Variants in LRG1 observed in about 807,000 individuals in gnomAD.
LRG1 encodes the protein leucine rich alpha-2-glycoprotein 1, also known as leucine-rich alpha-2-glycoprotein.
Under a neutral mutation model 2.4 loss-of-function variants are expected in LRG1, and 1 was observed. That is an observed-to-expected ratio of 0.41 (90% CI 0.15 to 1.95). The LOEUF (loss-of-function observed/expected upper bound fraction) is 1.95, where lower values mean the gene tolerates loss of function less well. LRG1 is among the 30% of genes most tolerant of loss of function. The pLI, the probability that LRG1 is intolerant of heterozygous loss-of-function variation, is 0.30. For synonymous variants in LRG1, 226 were observed against 210.6 expected (o/e 1.07, Z -0.63); for missense variants, 425 against 436.9 (o/e 0.97, Z 0.24).
Position 4,538,543 on chromosome 19 carries a change from C to A in LRG1, c.441G>T (p.Leu147Phe), listed in dbSNP as rs761965949. ...CCAGGACCTCCAGCTGGTTTTCTTTCAATACCAGGGTGTCCAGGGTGGCTG... is the reference window on the plus strand; with the variant it reads ...CCAGGACCTCCAGCTGGTTTTCTTTAAATACCAGGGTGTCCAGGGTGGCTG... ...QASATLDTLV[L>F]KENQLEVLEV... The change falls in exon 2 of 2, where the codon TTG becomes TTT. Residue 147 changes from leucine to phenylalanine, a missense_variant. Transcript: ENST00000306390. 2 of 1,613,720 alleles carry A rather than the reference C, an allele frequency of 1.2e-6. No homozygotes were observed. Among genetic ancestry groups the A allele is most frequent in the Non-Finnish European group, 1.7e-6 (2 of 1,180,018 alleles).
rs942282617 is a variant in LRG1 at position 4,537,626 on chromosome 19, G to A, written c.*314C>T. 2.3e-5 allele frequency: 8 copies of A among 349,616 alleles called. No individual in the cohort carries two copies. The highest frequency in any genetic ancestry group is 4.2e-5 in the Non-Finnish European group (8 of 189,100). 21.7% of individuals were successfully genotyped at this position (349,616 alleles called of 1,614,324 possible). ...TCTGTCGCCCAGGCTAGAGTGCAGT[G>A]GCACGATCTTGGCTCACCGCAAGCT... On this transcript the variant is annotated 3_prime_UTR_variant, in exon 2 of 2. Transcript: ENST00000306390.
Position 4,537,930 on chromosome 19 carries a change from G to A in LRG1, c.*10C>T. 1 of 1,600,064 alleles carries A rather than the reference G, an allele frequency of 6.2e-7. No homozygotes were observed. The highest frequency in any genetic ancestry group is 1.1e-5 in the South Asian group (1 of 90,312). On this transcript the variant is annotated 3_prime_UTR_variant, in exon 2 of 2. Transcript: ENST00000306390. ...ACCAGACCCCCCACCCTCAACCCAA[G>A]CCCCTGGTCTCACTGGGACTTGGCC...
rs1245897928 is a variant in LRG1, at chr19:4,537,851, G to C, written c.*89C>G. The C allele has an allele frequency of 7.0e-7, 1 of 1,437,352 alleles. No individual in the cohort carries two copies. Among genetic ancestry groups the C allele is most frequent in the African/African-American group, 1.4e-5 (1 of 70,252 alleles). The allele number at this position is 1,437,352 out of a possible 1,614,324, so 89.0% of individuals were successfully genotyped here. On this transcript the variant is annotated 3_prime_UTR_variant, in exon 2 of 2. Coordinates refer to ENST00000306390, the MANE Select transcript of LRG1 (RefSeq NM_052972.3). ...CAAAGTGCTGGGATTACAGGCGTGA[G>C]CCCCCGCACCCGGCCAAAGGCAGGA...
rs150365846 is a variant in LRG1, at chr19:4,538,206, G to T, written c.778C>A (p.Arg260=). The T allele has an allele frequency of 1.9e-6, 3 of 1,613,984 alleles. No individual in the cohort carries two copies. In the East Asian group the frequency reaches 6.7e-5, roughly 36 times the overall value. Reference sequence around the variant, plus strand: ...GAGAGGTCCAGCATGTCCAGCTGCCGCAGGCCCTGGAAGGCACCGGCTGCC... The same window carrying T: ...GAGAGGTCCAGCATGTCCAGCTGCCTCAGGCCCTGGAAGGCACCGGCTGCC... ...RVAAGAFQGL[R]QLDMLDLSNN... Residue 260 remains arginine (R), a synonymous_variant, in exon 2 of 2, where the codon CGG becomes AGG. Coordinates refer to ENST00000306390, the MANE Select transcript of LRG1 (RefSeq NM_052972.3).
Position 4,537,255 on chromosome 19 carries a change from A to AC in LRG1, c.*684dup, listed in dbSNP as rs1412084737. The AC allele has an allele frequency of 1.3e-5, 2 of 152,202 alleles. No homozygotes were observed. The highest frequency in any genetic ancestry group is 2.9e-5 in the Non-Finnish European group (2 of 68,056). The allele number at this position is 152,202 out of a possible 1,614,324, so 9.4% of individuals were successfully genotyped here. ...TTATTTATTAAACCCCTTGGTTCTG[A>AC]CCCCAAGCTAAGTGGGACTCAGCAT... On this transcript the variant is annotated 3_prime_UTR_variant, in exon 2 of 2. Coordinates refer to ENST00000306390, the MANE Select transcript of LRG1 (RefSeq NM_052972.3).
intron 1 of LRG1, chr19:4,539,228 A>C: frequency 3.5e-6 from 1 of 289,644 alleles, no homozygotes; most frequent in Non-Finnish European, 6.4e-6. Flanking sequence ...CATAATATGA[A>C]TACACTTCCC....
At position 4,537,918 on chromosome 19, in the gene LRG1, C is replaced by T. The variant is rs747440913; in HGVS notation, c.*22G>A. ...TTGCAGTGTTCTACCAGACCCCCCACCCTCAACCCAAGCCCCTGGTCTCAC... is the reference window on the plus strand; with the variant it reads ...TTGCAGTGTTCTACCAGACCCCCCATCCTCAACCCAAGCCCCTGGTCTCAC... On this transcript the variant is annotated 3_prime_UTR_variant, in exon 2 of 2. Transcript: ENST00000306390. 19 of 1,591,454 alleles carry T rather than the reference C, an allele frequency of 1.2e-5. 2 individuals are homozygous for T. In the South Asian group the frequency reaches 2.0e-4, roughly 17 times the overall value.
Position 4,539,991 on chromosome 19 carries a change from C to A in LRG1, c.23G>T (p.Arg8Leu). MSSWSRQ[R>L]PKSPGGIQPH... Reference sequence around the variant, plus strand: ...TAGTGTGGGGACCTACCTTTTTGGTCGCTGTCTGCTCCAAGAGGACATGGT... The same window carrying A: ...TAGTGTGGGGACCTACCTTTTTGGTAGCTGTCTGCTCCAAGAGGACATGGT... The change falls in exon 1 of 2, where the codon CGA (arginine) becomes CTA (leucine). Residue 8 changes from arginine to leucine, a missense_variant. Transcript: ENST00000306390. The A allele has an allele frequency of 6.2e-7, 1 of 1,614,114 alleles. No homozygotes were observed. The highest frequency in any genetic ancestry group is 1.1e-5 in the South Asian group (1 of 91,036).
chr19:4,539,815 G>C (rs1378182296), intron 1 of LRG1, among the ~76,000 whole-genome samples, 167 bp downstream of exon 1: 1 of 152,224 alleles, frequency 6.6e-6, no homozygotes, highest in African/African-American at 2.4e-5. Flanking sequence ...GTAGGGGTGT[G>C]TGTGTGTGTG....
chr19:4,538,119 C>T lies in LRG1; in HGVS notation c.865G>A (p.Asp289Asn), dbSNP rs762734757. ...GAGATGTCGAAGCCATCCCGCATGT[C>T]CCAGTTTGGCTGCCCTAGGGATGCC... The part of the protein sequence containing the change: ...LWASLGQPNW[D>N]MRDGFDISGN... The change falls in exon 2 of 2, where the codon GAC (aspartate) becomes AAC (asparagine). Residue 289 changes from aspartate (D) to asparagine (N), a missense_variant. By Grantham distance (23) the Asp-to-Asn change is conservative. Coordinates refer to ENST00000306390, the MANE Select transcript of LRG1 (RefSeq NM_052972.3). The T allele has an allele frequency of 9.9e-6, 16 of 1,614,150 alleles. No individual in the cohort carries two copies. The South Asian group carries it at 1.6e-4, about 17-fold the overall frequency.
Position 4,538,201 on chromosome 19 carries a change from C to T in LRG1, c.783G>A (p.Gln261=). The T allele has an allele frequency of 6.2e-7, 1 of 1,614,070 alleles. No homozygotes were observed. Among genetic ancestry groups the T allele is most frequent in the African/African-American group, 1.3e-5 (1 of 75,066 alleles). The change falls in exon 2 of 2, where the codon CAG becomes CAA. Residue 261 remains glutamine (Q), a synonymous_variant. Transcript: ENST00000306390. The part of the protein sequence containing the change: ...VAAGAFQGLR[Q]LDMLDLSNNS... ...TATTGGAGAGGTCCAGCATGTCCAGCTGCCGCAGGCCCTGGAAGGCACCGG... is the reference window on the plus strand; with the variant it reads ...TATTGGAGAGGTCCAGCATGTCCAGTTGCCGCAGGCCCTGGAAGGCACCGG...
chr19:4,538,170 G>A lies in LRG1; in HGVS notation c.814C>T (p.Leu272=), dbSNP rs199623739. Residue 272 remains leucine (L), a synonymous_variant, in exon 2 of 2, where the codon CTG becomes TTG. Transcript: ENST00000306390. ...CAGAGCCCCTCGGGCACGCTGGCCA[G>A]TGAGTTATTGGAGAGGTCCAGCATG... is the stretch of plus-strand genomic sequence containing the variant. ...LDMLDLSNNS[L]ASVPEGLWAS... The A allele has an allele frequency of 2.3e-5, 37 of 1,614,040 alleles. No individual in the cohort carries two copies. The highest frequency in any genetic ancestry group is 1.7e-4 in the Middle Eastern group (1 of 6,054).
chr19:4,537,981 C>T lies in LRG1; in HGVS notation c.1003G>A (p.Val335Met), dbSNP rs757950703. ...NDTRCAGPEA[V>M]KGQTLLAVAK... is the part of the protein sequence containing the mutation. ...ACTGCCAGGAGCGTCTGGCCCTTCA[C>T]GGCTTCAGGCCCAGCACAGCGCGTG... The change falls in exon 2 of 2, where the codon GTG becomes ATG. Residue 335 changes from valine to methionine, a missense_variant. Coordinates refer to ENST00000306390, the MANE Select transcript of LRG1 (RefSeq NM_052972.3). 16 of 1,613,210 alleles carry T rather than the reference C, an allele frequency of 9.9e-6. No homozygotes were observed. Among genetic ancestry groups the T allele is most frequent in the South Asian group, 2.2e-5 (2 of 91,076 alleles).
chr19:4,538,768 G>A lies in LRG1; in HGVS notation c.216C>T (p.His72=), dbSNP rs116518576. 12,020 of 1,606,690 alleles carry A rather than the reference G, an allele frequency of 7.5e-3. 57 individuals are homozygous for A. Among genetic ancestry groups the A allele is most frequent in the Non-Finnish European group, 9.1e-3 (10,721 of 1,174,104 alleles). The change falls in exon 2 of 2, where the codon CAC becomes CAT. Residue 72 remains histidine (H), a synonymous_variant. Coordinates refer to ENST00000306390, the MANE Select transcript of LRG1 (RefSeq NM_052972.3). ...IPGYLPADTV[H]LAVEFFNLTH... Reference sequence around the variant, plus strand: ...TCAGGTTGAAGAATTCCACGGCCAGGTGCACGGTGTCGGCTGGCAGGTAGC... The same window carrying A: ...TCAGGTTGAAGAATTCCACGGCCAGATGCACGGTGTCGGCTGGCAGGTAGC...
At position 4,538,901 on chromosome 19, in the gene LRG1, A is replaced by G; in HGVS notation, c.83T>C (p.Leu28Pro). The change falls in exon 2 of 2, where the codon CTG (leucine) becomes CCG (proline). Residue 28 changes from leucine (L) to proline (P), a missense_variant. Leu to Pro is a moderately conservative substitution (Grantham distance 98). Transcript: ENST00000306390. ...HVSRTLFLLL[L>P]LAASAWGVTL... is the part of the protein sequence containing the mutation. ...GACCCCCCAGGCTGAGGCTGCCAAC[A>G]GCAGCAGCAGGAACAGAGTTCTAGA... 1 of 1,516,914 alleles carries G rather than the reference A, an allele frequency of 6.6e-7. No homozygotes were observed. The highest frequency in any genetic ancestry group is 8.8e-7 in the Non-Finnish European group (1 of 1,131,028). The allele number at this position is 1,516,914 out of a possible 1,614,324, so 94.0% of individuals were successfully genotyped here. A position where few individuals can be genotyped will look rare whatever the true frequency, so the allele number is the denominator to read the frequency against.
At chr19:4,539,030 G>T (rs1338039623) in intron 1 of LRG1, 79 bp from the exon 2 acceptor site, 2 of 1,358,478 alleles carry the variant, frequency 1.5e-6, no homozygotes, top group Non-Finnish European at 1.9e-6. Flanking sequence ...CAGCAAATCC[G>T]CCCACTTCTT....
In LRG1 at chr19:4,538,906, C is replaced by A; in HGVS notation, c.78G>T (p.Leu26=). 1 of 1,516,968 alleles carries A rather than the reference C, an allele frequency of 6.6e-7. No individual in the cohort carries two copies. 94.0% of individuals were successfully genotyped at this position (1,516,968 alleles called of 1,614,324 possible). ...CCCAGGCTGAGGCTGCCAACAGCAGCAGCAGGAACAGAGTTCTAGAAACAT... is the reference window on the plus strand; with the variant it reads ...CCCAGGCTGAGGCTGCCAACAGCAGAAGCAGGAACAGAGTTCTAGAAACAT... The part of the protein sequence containing the change: ...QPHVSRTLFL[L]LLLAASAWGV... The change falls in exon 2 of 2, where the codon CTG becomes CTT. Residue 26 remains leucine, a synonymous_variant. Transcript: ENST00000306390.
At chr19:4,539,462 G>A (rs756709310) in intron 1 of LRG1, among the ~76,000 whole-genome samples, 1 of 152,218 alleles carries the variant, frequency 6.6e-6, no homozygotes, top group African/African-American at 2.4e-5. Flanking sequence ...CCAATTGGGT[G>A]CTTGGAGGAA....
Position 4,538,711 on chromosome 19 carries a change from G to T in LRG1, c.273C>A (p.Ala91=), listed in dbSNP as rs1194520367. The change falls in exon 2 of 2, where the codon GCC becomes GCA. Residue 91 remains alanine (A), a synonymous_variant. Transcript: ENST00000306390. The part of the protein sequence containing the change: ...THLPANLLQG[A]SKLQELHLSS... ...AGAGGTGCAATTCTTGGAGCTTAGAGGCGCCCTGGAGGAGGTTGGCTGGCA... is the reference window on the plus strand; with the variant it reads ...AGAGGTGCAATTCTTGGAGCTTAGATGCGCCCTGGAGGAGGTTGGCTGGCA... 1 of 1,608,486 alleles carries T rather than the reference G, an allele frequency of 6.2e-7. No individual in the cohort carries two copies. Among genetic ancestry groups the T allele is most frequent in the Admixed American group, 1.7e-5 (1 of 59,938 alleles).
Sources: gnomAD v4.1 joint callset for allele counts (sites outside exome capture counted in the v4.1 genomes callset) on GRCh38, gnomAD v4.1.1 for gene constraint, MANE v1.5 for transcripts, NCBI Gene and HGNC (gene_info 2026-07-23, HGNC 2026-07-21) for gene names.